Variants in BBS9 observed in about 807,000 individuals in gnomAD.
BBS9 encodes protein PTHB1.
A neutral mutation model predicts 117.7 loss-of-function variants in BBS9; 89 were observed. That is an observed-to-expected ratio of 0.76 (90% CI 0.64 to 0.90). BBS9 has a LOEUF of 0.90. Ranked by LOEUF, BBS9 falls within the 40% of genes least tolerant of loss-of-function variation. The pLI is 0.00. For synonymous variants in BBS9, 379 were observed against 370.9 expected (o/e 1.02, Z -0.25); for missense variants, 982 against 1,042.2 (o/e 0.94, Z 0.80).
intron 22 of BBS9, 46 bp downstream of exon 22, chr7:33,605,021 A>G (rs373011423): frequency 1.8e-5 from 27 of 1,530,338 alleles, no homozygotes; most frequent in Non-Finnish European, 2.3e-5. Flanking sequence ...AGTCAGAAGC[A>G]GTGACAATCT....
chr7:33,210,671 G>A (rs544276507), intron 5 of BBS9, among the ~76,000 whole-genome samples: 27 of 152,242 alleles, frequency 1.8e-4, no homozygotes, highest in African/African-American at 6.3e-4. Flanking sequence ...CTGAGTGGCT[G>A]GGATTACAGG....
intron 12 of BBS9, chr7:33,346,117 G>A (rs879116311): frequency 3.3e-6 from 1 of 305,324 alleles, no homozygotes; most frequent in Non-Finnish European, 6.6e-6. Flanking sequence ...AAGGGGTGCA[G>A]AAAATTGGTG....
intron 19 of BBS9, among the ~76,000 whole-genome samples, chr7:33,449,840 A>G (rs1837530034): frequency 6.6e-6 from 1 of 152,090 alleles, no homozygotes; most frequent in Non-Finnish European, 1.5e-5. Flanking sequence ...CTCCCTTTTT[A>G]TTGTGGCAAA....
At chr7:33,331,258 A>T (rs765110942) in intron 9 of BBS9, among the ~76,000 whole-genome samples, 4 of 152,314 alleles carry the variant, frequency 2.6e-5, no homozygotes, top group Non-Finnish European at 5.9e-5. Flanking sequence ...TAGGCATAGA[A>T]GGGGCTTACC....
intron 5 of BBS9, among the ~76,000 whole-genome samples, chr7:33,218,278 A>G (rs1044460969): frequency 6.6e-6 from 1 of 152,178 alleles, no homozygotes; most frequent in Non-Finnish European, 1.5e-5. Context: ...CTGGAAAAAA[A>G]TTTCAAATTC....
intron 19 of BBS9, among the ~76,000 whole-genome samples, chr7:33,442,457 A>C (rs981458451): frequency 2.6e-5 from 4 of 152,222 alleles, no homozygotes; most frequent in African/African-American, 9.6e-5. Flanking sequence ...TATCAGTGGC[A>C]TGTATTTGAA....
chr7:33,427,234 G>A (rs74839617), intron 19 of BBS9, among the ~76,000 whole-genome samples: 1 of 152,092 alleles, frequency 6.6e-6, no homozygotes, highest in African/African-American at 2.4e-5. Context: ...TAGCAGTCTT[G>A]AATCTTTTGC....
chr7:33,379,855 A>C (rs1189302977), intron 17 of BBS9: 1 of 152,244 alleles, frequency 6.6e-6, no homozygotes, highest in Admixed American at 6.5e-5. Flanking sequence ...TTAAAGCAGA[A>C]ATTTCAGAAT....
At chr7:33,421,836 A>C (rs1563154804) in intron 19 of BBS9, among the ~76,000 whole-genome samples, 1 of 152,212 alleles carries the variant, frequency 6.6e-6, no homozygotes, top group Non-Finnish European at 1.5e-5. Flanking sequence ...TCCAGATAAC[A>C]CTTGAAAATT....
At chr7:33,165,069 A>T (rs771008292) in intron 4 of BBS9, among the ~76,000 whole-genome samples, 16 of 151,958 alleles carry the variant, frequency 1.1e-4, no homozygotes, top group African/African-American at 3.9e-4. Flanking sequence ...AAAGAATTTT[A>T]TTTCTCCTTC....
At chr7:33,172,304 C>T (rs1163070788) in intron 4 of BBS9, among the ~76,000 whole-genome samples, 2 of 151,962 alleles carry the variant, frequency 1.3e-5, no homozygotes, top group Non-Finnish European at 1.5e-5. Context: ...TGGCATTAAC[C>T]CAGGCGGTGG....
chr7:33,391,940 C>A (rs1452837795), intron 19 of BBS9, among the ~76,000 whole-genome samples: 1 of 152,148 alleles, frequency 6.6e-6, no homozygotes, highest in African/African-American at 2.4e-5. Flanking sequence ...GGTTTCTCTG[C>A]CTAGGAAATC....
At chr7:33,187,454 G>A (rs1269433968) in intron 5 of BBS9, among the ~76,000 whole-genome samples, 2 of 152,194 alleles carry the variant, frequency 1.3e-5, no homozygotes, top group East Asian at 3.8e-4. Flanking sequence ...TTTGTTGTAG[G>A]TGCTTGGGCA....
intron 15 of BBS9, among the ~76,000 whole-genome samples, chr7:33,355,859 C>T (rs1819526493): frequency 6.6e-6 from 1 of 151,822 alleles, no homozygotes; most frequent in African/African-American, 2.4e-5. Flanking sequence ...GGCTCAGTCA[C>T]TTATAGGCAG....
At chr7:33,609,792 G>C (rs548443478), downstream of BBS9, among the ~76,000 whole-genome samples, 6 of 152,232 alleles carry the variant, frequency 3.9e-5, no homozygotes, top group South Asian at 1.0e-3. Flanking sequence ...ACTGGCTTAA[G>C]TGAGAGCAGT....
At chr7:33,477,989 G>A (rs1267307482) in intron 19 of BBS9, among the ~76,000 whole-genome samples, 1 of 152,104 alleles carries the variant, frequency 6.6e-6, no homozygotes, top group Non-Finnish European at 1.5e-5. Flanking sequence ...GCCAGAAAGT[G>A]TTAAATATGA....
intron 19 of BBS9, among the ~76,000 whole-genome samples, chr7:33,478,581 T>C (rs1842106013): frequency 6.6e-6 from 1 of 152,214 alleles, no homozygotes; most frequent in African/African-American, 2.4e-5. Flanking sequence ...TTAAGTGTAA[T>C]TTTATTTCAG....
intron 9 of BBS9, among the ~76,000 whole-genome samples, chr7:33,284,514 T>TG (rs2128381783): frequency 6.6e-6 from 1 of 152,330 alleles, no homozygotes; most frequent in East Asian, 1.9e-4. Context: ...ATCTGTATGA[T>TG]GATATTTTCC....
chr7:33,578,333 C>T (rs1188260912), intron 21 of BBS9, among the ~76,000 whole-genome samples: 1 of 152,174 alleles, frequency 6.6e-6, no homozygotes, highest in Non-Finnish European at 1.5e-5. Context: ...CTCCTGACTC[C>T]AATGCTTGTT....
Sources: allele counts gnomAD v4.1 joint callset (sites outside exome capture counted in the v4.1 genomes callset), GRCh38; gene constraint gnomAD v4.1.1; transcripts MANE v1.5; gene names NCBI Gene and HGNC (gene_info 2026-07-23, HGNC 2026-07-21).